SEPTIN9: variants seen among roughly 807,000 people sequenced by gnomAD.
SEPTIN9 encodes the protein septin-9.
SEPTIN9 carries 13 observed loss-of-function variants against 56.6 expected under a neutral mutation model. The ratio of observed to expected loss-of-function variants is 0.23; its 90% CI spans 0.15 to 0.37. The LOEUF is 0.37. SEPTIN9 is among the 10% of genes least tolerant of loss of function. The pLI, the probability that SEPTIN9 is intolerant of heterozygous loss-of-function variation, is 1.00. For synonymous variants in SEPTIN9, 332 were observed against 334.1 expected, an observed-to-expected ratio of 0.99 and a Z score of 0.07; for missense variants, 650 against 823.1, an observed-to-expected ratio of 0.79 and a Z score of 2.57.
intron 1 of SEPTIN9, among the ~76,000 whole-genome samples, chr17:77,286,636 C>G (rs1351617749): frequency 6.6e-6 from 1 of 152,214 alleles, no homozygotes; most frequent in African/African-American, 2.4e-5. Flanking sequence ...ACTCTCCTGC[C>G]ATCCCAGGCA....
intron 3 of SEPTIN9, chr17:77,466,488 G>C (rs932676991): frequency 1.3e-4 from 126 of 985,382 alleles, no homozygotes; most frequent in Non-Finnish European, 1.5e-4. Flanking sequence ...GAGCGTGAGC[G>C]AGCCAGGGGT....
chr17:77,342,074 CAA>C (rs35151530), intron 2 of SEPTIN9, among the ~76,000 whole-genome samples: 23 of 130,390 alleles, frequency 1.8e-4, no homozygotes, highest in East Asian at 2.2e-4. Context: ...GACTCTGTCT[CAA>C]AAAAAAAAAA....
rs898544115 is a variant in SEPTIN9 at position 77,498,842 on chromosome 17, G to A, written c.*184G>A. Reference sequence around the variant, plus strand: ...CCGAGTGAGTCAGTGATGAGGCCGCGGCCTCCCCGAGGTTGTGGGGAGGCT... The same window carrying A: ...CCGAGTGAGTCAGTGATGAGGCCGCAGCCTCCCCGAGGTTGTGGGGAGGCT... On this transcript the variant is annotated 3_prime_UTR_variant, in exon 12 of 12. Transcript: ENST00000427177. The A allele has an allele frequency of 3.7e-5, 23 of 629,806 alleles. No homozygotes were observed. The highest frequency in any genetic ancestry group is 5.4e-5 in the African/African-American group (3 of 55,918). 39.0% of individuals were successfully genotyped at this position (629,806 alleles called of 1,614,324 possible). A position where few individuals can be genotyped will look rare whatever the true frequency, so the allele number is the denominator to read the frequency against.
intron 3 of SEPTIN9, among the ~76,000 whole-genome samples, chr17:77,481,478 C>G (rs1210982727): frequency 6.6e-6 from 1 of 152,212 alleles, no homozygotes; most frequent in Non-Finnish European, 1.5e-5. Context: ...TTCCTTCTCC[C>G]AGGACTGCTG....
intron 8 of SEPTIN9, 96 bp downstream of exon 8, chr17:77,490,955 C>A: frequency 1.0e-6 from 1 of 972,626 alleles, no homozygotes; most frequent in South Asian, 1.4e-5. Context: ...GTCACACTGT[C>A]AGGGAGACCG....
rs539955294 is a variant in SEPTIN9 at position 77,397,123 on chromosome 17, C to T, written c.77-4936C>T. ...GTCCTGGGGCTGCTGGAACAAATTA[C>T]TGGAAACCAAGTGGCCCAACAAAGA... On this transcript the variant is annotated intron_variant, in intron 2 of 11. Transcript: ENST00000427177. 2.6e-5 allele frequency: 4 copies of T among 154,974 alleles called. No individual in the cohort carries two copies. In the South Asian group the frequency reaches 8.1e-4, roughly 31 times the overall value. The allele number at this position is 154,974 out of a possible 1,614,324, so 9.6% of individuals were successfully genotyped here.
In SEPTIN9 at chr17:77,487,650, G is replaced by C. The variant is rs1428472519; in HGVS notation, c.1042+98G>C. 2.2e-6 allele frequency: 2 copies of C among 908,502 alleles called. 1 individual carries two copies. Among genetic ancestry groups the C allele is most frequent in the Non-Finnish European group, 3.0e-6 (2 of 660,516 alleles). 56.3% of individuals were successfully genotyped at this position (908,502 alleles called of 1,614,324 possible). On this transcript the variant is annotated intron_variant, in intron 5 of 11. Transcript: ENST00000427177. This position sits in a 1 kb window ranked among gnomAD's most constrained non-coding sequence, Gnocchi z 4.3. ...ACCATCACACACAGTCAGTGGCCAG[G>C]GGCGGGCTGGGGGTGCAGGACTCCT...
At chr17:77,340,936 G>T (rs2033705518) in intron 2 of SEPTIN9, among the ~76,000 whole-genome samples, 1 of 152,180 alleles carries the variant, frequency 6.6e-6, no homozygotes, top group Non-Finnish European at 1.5e-5. Flanking sequence ...ACTTCTCTTA[G>T]CCTTCATACC....
At chr17:77,381,472 G>T (rs530834346) in intron 2 of SEPTIN9, among the ~76,000 whole-genome samples, 2 of 152,224 alleles carry the variant, frequency 1.3e-5, no homozygotes, top group South Asian at 4.1e-4. Flanking sequence ...TTCCACGTGG[G>T]TGGGCAGTTT....
chr17:77,393,394 G>A (rs1232982571), intron 2 of SEPTIN9, among the ~76,000 whole-genome samples: 1 of 152,136 alleles, frequency 6.6e-6, no homozygotes, highest in African/African-American at 2.4e-5. Context: ...TGGAGACACG[G>A]AAATAGGCCA....
Position 77,330,687 on chromosome 17 carries a change from C to T in SEPTIN9, c.76+23490C>T, listed in dbSNP as rs895013625. 6.6e-6 allele frequency among the ~76,000 whole-genome samples: 1 copy of T among 152,230 alleles called. No individual in the cohort carries two copies. The highest frequency in any genetic ancestry group is 1.5e-5 in the Non-Finnish European group (1 of 68,028). ...AGCCTGCTGTCAGGAGCCTCGCTTG[C>T]CTCTCAGAGAGCACATGGCTTGACC... On this transcript the variant is annotated intron_variant, in intron 2 of 11. Transcript: ENST00000427177. The surrounding 1 kb of genome is among the most constrained non-coding windows in gnomAD (Gnocchi z 4.4).
chr17:77,334,916 T>C (rs1222087968), intron 2 of SEPTIN9, among the ~76,000 whole-genome samples: 3 of 152,192 alleles, frequency 2.0e-5, no homozygotes, highest in Non-Finnish European at 4.4e-5. Context: ...ACCTGACACC[T>C]TTGCTAAAAA....
At chr17:77,372,749 G>C (rs2034760704) in intron 2 of SEPTIN9, among the ~76,000 whole-genome samples, 1 of 151,772 alleles carries the variant, frequency 6.6e-6, no homozygotes, top group Non-Finnish European at 1.5e-5. Flanking sequence ...GGTGTTAGCT[G>C]CAGGGGTGCC....
intron 2 of SEPTIN9, among the ~76,000 whole-genome samples, chr17:77,351,227 CA>C (rs1237628788): frequency 9.4e-6 from 1 of 106,832 alleles, no homozygotes; most frequent in African/African-American, 4.0e-5. Context: ...CGCGTGCACA[CA>C]ACACACACAC....
At position 77,476,358 on chromosome 17, in the gene SEPTIN9, T is replaced by G. The variant is rs188460423; in HGVS notation, c.722-5786T>G. Among the ~76,000 whole-genome samples the G allele has an allele frequency of 7.3e-4, 111 of 152,254 alleles. 1 individual carries two copies. The highest frequency in any genetic ancestry group is 5.8e-3 in the South Asian group (28 of 4,830). Reference sequence around the variant, plus strand: ...AGCTGCCTCCTCTCTGGGCACTGCCTCCCAGCCAGATATCCTACAGCCCCC... The same window carrying G: ...AGCTGCCTCCTCTCTGGGCACTGCCGCCCAGCCAGATATCCTACAGCCCCC... On this transcript the variant is annotated intron_variant, in intron 3 of 11. Coordinates refer to ENST00000427177, the MANE Select transcript of SEPTIN9 (RefSeq NM_001113491.2). This position sits in a 1 kb window ranked among gnomAD's most constrained non-coding sequence, Gnocchi z 6.0.
rs548086631 is a variant in SEPTIN9 at position 77,436,566 on chromosome 17, G to T, written c.721+33863G>T. 3.9e-5 allele frequency among the ~76,000 whole-genome samples: 6 copies of T among 152,330 alleles called. No homozygotes were observed. The highest frequency in any genetic ancestry group is 3.4e-3 in the Middle Eastern group (1 of 294). On this transcript the variant is annotated intron_variant, in intron 3 of 11. Transcript: ENST00000427177. This position sits in a 1 kb window ranked among gnomAD's most constrained non-coding sequence, Gnocchi z 4.4. ...TGCCATGGGCCCCCTCCTCCACGCA[G>T]ACCCTCAGCCTGGAATGATCAGTGT...
At chr17:77,321,041 C>T (rs2032900790) in intron 2 of SEPTIN9, among the ~76,000 whole-genome samples, 1 of 152,212 alleles carries the variant, frequency 6.6e-6, no homozygotes, top group Admixed American at 6.5e-5. Context: ...GGCCCAGCCT[C>T]CTTGGTCCCT....
intron 2 of SEPTIN9, among the ~76,000 whole-genome samples, chr17:77,392,180 G>A (rs1207773150): frequency 6.6e-6 from 1 of 152,220 alleles, no homozygotes; most frequent in African/African-American, 2.4e-5. Flanking sequence ...CATCATTGCA[G>A]AGTGAGCCAG....
chr17:77,289,808 A>G (rs2031457049), intron 1 of SEPTIN9, among the ~76,000 whole-genome samples: 1 of 152,162 alleles, frequency 6.6e-6, no homozygotes, highest in South Asian at 2.1e-4. Flanking sequence ...AGTTTTCTGT[A>G]TTACTTATTG....
Sources: gnomAD v4.1 joint callset for allele counts (sites outside exome capture counted in the v4.1 genomes callset) on GRCh38, gnomAD v4.1.1 for gene constraint, Gnocchi (gnomAD v3.1) non-coding constraint, MANE v1.5 for transcripts, NCBI Gene and HGNC (gene_info 2026-07-23, HGNC 2026-07-21) for gene names.